The following PKIG variants were observed in gnomAD, a reference collection of about 807,000 sequenced individuals.
PKIG encodes protein kinase (cAMP-dependent, catalytic) inhibitor gamma.
In PKIG, 1 loss-of-function variant was observed where a neutral mutation model predicts 6.8. The ratio of observed to expected loss-of-function variants is 0.15; its 90% CI spans 0.05 to 0.69. The LOEUF (loss-of-function observed/expected upper bound fraction) is 0.69. Among genes scored for constraint, PKIG ranks in the 30% least tolerant of loss-of-function variants. The probability of loss-of-function intolerance (pLI) is 0.82; values close to 1 mark genes in which losing one functional copy is unlikely to be tolerated. For synonymous variants in PKIG, 39 were observed against 43.0 expected, an observed-to-expected ratio of 0.91 and a Z score of 0.36; for missense variants, 77 against 104.0, an observed-to-expected ratio of 0.74 and a Z score of 1.13.
At chr20:44,569,486 T>A (rs1437549794) in intron 1 of PKIG, among the ~76,000 whole-genome samples, 2 of 152,252 alleles carry the variant, frequency 1.3e-5, no homozygotes, top group Non-Finnish European at 2.9e-5. Context: ...CCAGGCCTTC[T>A]GAAAGCGGTT....
At chr20:44,616,478 C>T (rs1051559787) in intron 3 of PKIG, among the ~76,000 whole-genome samples, 26 of 152,350 alleles carry the variant, frequency 1.7e-4, no homozygotes, top group African/African-American at 6.0e-4. Context: ...TGTCCTCACC[C>T]TCAGCTCTGG....
At chr20:44,610,697 A>C (rs2065210620) in intron 2 of PKIG, among the ~76,000 whole-genome samples, 1 of 152,224 alleles carries the variant, frequency 6.6e-6, no homozygotes, top group Admixed American at 6.5e-5. Flanking sequence ...AAAGAACCAC[A>C]GTTGACAGGG....
intron 2 of PKIG, among the ~76,000 whole-genome samples, chr20:44,611,348 C>G (rs1232773924): frequency 6.6e-6 from 1 of 151,976 alleles, no homozygotes; most frequent in Non-Finnish European, 1.5e-5. Flanking sequence ...GCCACCGCAC[C>G]CGGCCTAGAA....
At position 44,614,460 on chromosome 20, in the gene PKIG, TGGGGAA is replaced by T; in HGVS notation, c.-23-73_-23-68del. Reference sequence around the variant, plus strand: ...GTCATTTTGACAGAAGCCACTGTGCTGGGGAACTGGAGCTGTCCTCTCTGCAGAATG... The same window carrying T: ...GTCATTTTGACAGAAGCCACTGTGCTCTGGAGCTGTCCTCTCTGCAGAATG... On this transcript the variant is annotated intron_variant, in intron 2 of 3. Coordinates refer to ENST00000372886, the MANE Select transcript of PKIG (RefSeq NM_001281445.2). This position sits in a 1 kb window ranked among gnomAD's most constrained non-coding sequence, Gnocchi z 4.6. 1 of 1,083,804 alleles carries T rather than the reference TGGGGAA, an allele frequency of 9.2e-7. No homozygotes were observed. The highest frequency in any genetic ancestry group is 1.4e-6 in the Non-Finnish European group (1 of 733,736). The allele number at this position is 1,083,804 out of a possible 1,614,324, so 67.1% of individuals were successfully genotyped here.
At chr20:44,589,109 T>C (rs1951605441) in intron 1 of PKIG, among the ~76,000 whole-genome samples, 2 of 152,214 alleles carry the variant, frequency 1.3e-5, no homozygotes, top group African/African-American at 4.8e-5. Context: ...GTGTAAAGTA[T>C]GTATACTTTT....
chr20:44,593,364 AACACACACACACACACACACACACACAC>A (rs55947972), intron 2 of PKIG, among the ~76,000 whole-genome samples: 1 of 132,468 alleles, frequency 7.5e-6, no homozygotes, highest in Non-Finnish European at 1.6e-5. Flanking sequence ...TATAATAATC[AACACACACACACACACACACACACACAC>A]ACACACACAC....
At chr20:44,551,823 T>G (rs1361647093) in intron 1 of PKIG, among the ~76,000 whole-genome samples, 1 of 152,240 alleles carries the variant, frequency 6.6e-6, no homozygotes, top group Non-Finnish European at 1.5e-5. Flanking sequence ...TTATCTGTAA[T>G]TCTCCTTTAG....
intron 3 of PKIG, among the ~76,000 whole-genome samples, chr20:44,616,704 A>C (rs905352408): frequency 6.6e-6 from 1 of 152,242 alleles, no homozygotes; most frequent in African/African-American, 2.4e-5. Flanking sequence ...GGTGGCGTCC[A>C]GGCAAGAGTG....
At chr20:44,553,859 A>G (rs2064689983) in intron 1 of PKIG, among the ~76,000 whole-genome samples, 3 of 152,062 alleles carry the variant, frequency 2.0e-5, no homozygotes, top group Non-Finnish European at 4.4e-5. Context: ...GGCATTAACT[A>G]GGAGAAAAGG....
chr20:44,569,339 T>G (rs1224823683), intron 1 of PKIG, among the ~76,000 whole-genome samples: 3 of 152,212 alleles, frequency 2.0e-5, no homozygotes, highest in Admixed American at 6.5e-5. Flanking sequence ...TTGTGGTTAG[T>G]GATCACACAG....
chr20:44,611,473 TC>T (rs1158710667), intron 2 of PKIG, among the ~76,000 whole-genome samples: 3 of 151,298 alleles, frequency 2.0e-5, no homozygotes, highest in African/African-American at 4.9e-5. Flanking sequence ...TCCTCTCCCC[TC>T]CCCAGTCTCT....
chr20:44,553,246 G>C (rs1467198279), intron 1 of PKIG, among the ~76,000 whole-genome samples: 1 of 152,130 alleles, frequency 6.6e-6, no homozygotes, highest in African/African-American at 2.4e-5. Flanking sequence ...CCCAGGAAAG[G>C]CTAAAGTTTA....
intron 1 of PKIG, among the ~76,000 whole-genome samples, chr20:44,561,285 C>T (rs920907641): frequency 3.3e-5 from 5 of 151,930 alleles, no homozygotes; most frequent in South Asian, 2.1e-4. Flanking sequence ...TGCAGTGAGC[C>T]GAGATCGCAC....
intron 1 of PKIG, among the ~76,000 whole-genome samples, chr20:44,589,149 CTT>C (rs539902219): frequency 2.0e-5 from 3 of 147,628 alleles, no homozygotes. Context: ...AAATGCTGTA[CTT>C]TTTTTTTTTC....
upstream of PKIG, among the ~76,000 whole-genome samples, chr20:44,582,322 G>A (rs1455676910): frequency 2.6e-5 from 4 of 152,152 alleles, no homozygotes; most frequent in African/African-American, 9.7e-5. Context: ...GAGTGGATAG[G>A]AAGCCTTTTG....
chr20:44,564,910 C>T (rs1254681823), intron 1 of PKIG, among the ~76,000 whole-genome samples: 1 of 152,204 alleles, frequency 6.6e-6, no homozygotes, highest in Non-Finnish European at 1.5e-5. Flanking sequence ...ATAAACCTCT[C>T]AGACCTTTGA....
intron 1 of PKIG, among the ~76,000 whole-genome samples, chr20:44,546,341 C>T (rs989870436): frequency 6.6e-6 from 1 of 152,120 alleles, no homozygotes; most frequent in African/African-American, 2.4e-5. Flanking sequence ...TGATTCCTCT[C>T]TTTAACTGTA....
chr20:44,618,155 C>T (rs2123496298), intron 3 of PKIG, 130 bp from the exon 4 acceptor site: 1 of 481,226 alleles, frequency 2.1e-6, no homozygotes, highest in Non-Finnish European at 3.5e-6. Context: ...CCACCTCAGT[C>T]CAGCTCCAGC....
At chr20:44,562,109 C>T (rs1232295228) in intron 1 of PKIG, among the ~76,000 whole-genome samples, 2 of 151,756 alleles carry the variant, frequency 1.3e-5, no homozygotes, top group Admixed American at 1.3e-4. Context: ...AGTGAGACCC[C>T]ACCTACCCTG....
Sources: gnomAD v4.1 joint callset for allele counts (sites outside exome capture counted in the v4.1 genomes callset) on GRCh38, gnomAD v4.1.1 for gene constraint, Gnocchi (gnomAD v3.1) non-coding constraint, MANE v1.5 for transcripts, NCBI Gene and HGNC (gene_info 2026-07-23, HGNC 2026-07-21) for gene names.